The following SEC14L5 variants were observed in gnomAD, a reference collection of about 807,000 sequenced individuals.
The protein encoded by SEC14L5 is SEC14-like protein 5.
Under a neutral mutation model 84.6 loss-of-function variants are expected in SEC14L5, and 96 were observed. The observed-to-expected ratio is 1.13, with a 90% confidence interval of 0.96 to 1.34. SEC14L5 has a LOEUF of 1.34. Among genes scored for constraint, SEC14L5 ranks in the 40% most tolerant of loss-of-function variants. SEC14L5 has a pLI of 0.00. For missense variants in SEC14L5, 1,224 were observed against 942.5 expected (o/e 1.30, Z -3.91); for synonymous variants, 546 against 383.4 (o/e 1.42, Z -4.95).
rs1034634671 is a variant in SEC14L5, at chr16:5,008,407, C to T, written c.1573-14C>T. 3 of 1,594,988 alleles carry T rather than the reference C, an allele frequency of 1.9e-6. No individual in the cohort carries two copies. Among genetic ancestry groups the T allele is most frequent in the Non-Finnish European group, 2.6e-6 (3 of 1,166,582 alleles). On this transcript the variant is annotated splice_polypyrimidine_tract_variant and intron_variant, in intron 13 of 15. Coordinates refer to ENST00000251170, the MANE Select transcript of SEC14L5 (RefSeq NM_014692.2). Reference sequence around the variant, plus strand: ...CTCGGCCGTGACTCTCAGACCTCGCCTGTCTCCACACAGGTGGCCGTGGAG... The same window carrying T: ...CTCGGCCGTGACTCTCAGACCTCGCTTGTCTCCACACAGGTGGCCGTGGAG...
Position 5,000,636 on chromosome 16 carries a change from C to T in SEC14L5, c.971-19C>T, listed in dbSNP as rs1955664410. ...TCTAAATAACGGGCTCTTCTTTCTG[C>T]TTGGCCCCATCCACAAAGATGGCCG... On this transcript the variant is annotated intron_variant, in intron 8 of 15. Coordinates refer to ENST00000251170, the MANE Select transcript of SEC14L5 (RefSeq NM_014692.2). 1 of 1,540,548 alleles carries T rather than the reference C, an allele frequency of 6.5e-7. No individual in the cohort carries two copies.
At position 5,017,654 on chromosome 16, in the gene SEC14L5, GC is replaced by G. The variant is rs1277972037; in HGVS notation, c.*2686del. On this transcript the variant is annotated 3_prime_UTR_variant, in exon 16 of 16. Coordinates refer to ENST00000251170, the MANE Select transcript of SEC14L5 (RefSeq NM_014692.2). ...CCCGTGATTGACATTCCCTGCAGAA[GC>G]CGCAGCAGGATTGGGGAGGGCCATT... The G allele has an allele frequency of 6.6e-6, 1 of 152,222 alleles. No individual in the cohort carries two copies. Among genetic ancestry groups the G allele is most frequent in the African/African-American group, 2.4e-5 (1 of 41,438 alleles). The allele number at this position is 152,222 out of a possible 1,614,324, so 9.4% of individuals were successfully genotyped here. A position where few individuals can be genotyped will look rare whatever the true frequency, so the allele number is the denominator to read the frequency against.
intron 14 of SEC14L5, 85 bp from the exon 15 acceptor site, chr16:5,011,010 G>T (rs548706995): frequency 3.0e-6 from 4 of 1,333,888 alleles, no homozygotes; most frequent in Non-Finnish European, 4.1e-6. Flanking sequence ...TCCAGGCCTG[G>T]TGATGAGAAG....
At chr16:4,972,482 C>G (rs777077160) in intron 2 of SEC14L5, among the ~76,000 whole-genome samples, 2 of 152,218 alleles carry the variant, frequency 1.3e-5, no homozygotes, top group Non-Finnish European at 2.9e-5. Context: ...GAAACACTAA[C>G]TCTCCACTCC....
At chr16:4,960,315 T>G (rs1281013058) in intron 2 of SEC14L5, among the ~76,000 whole-genome samples, 1 of 152,200 alleles carries the variant, frequency 6.6e-6, no homozygotes, top group Non-Finnish European at 1.5e-5. Flanking sequence ...CAAAATATGC[T>G]GTCGCTGTTA....
chr16:4,963,224 A>T (rs1397394244), intron 2 of SEC14L5, among the ~76,000 whole-genome samples: 2 of 152,254 alleles, frequency 1.3e-5, no homozygotes, highest in African/African-American at 2.4e-5. Flanking sequence ...AAACATTTTT[A>T]AAAATTAATA....
At chr16:4,989,930 T>C (rs916125990) in intron 4 of SEC14L5, among the ~76,000 whole-genome samples, 1 of 152,210 alleles carries the variant, frequency 6.6e-6, no homozygotes, top group Non-Finnish European at 1.5e-5. Flanking sequence ...CCACAGACGT[T>C]TGAGGAGGAC....
At chr16:5,007,330 G>T (rs776759553) in intron 12 of SEC14L5, 22 bp from the exon 13 acceptor site, 2 of 1,611,802 alleles carry the variant, frequency 1.2e-6, no homozygotes, top group African/African-American at 1.3e-5. Context: ...CTGACCTGCT[G>T]CCCTTTATCT....
At chr16:4,976,823 G>C (rs1353813475) in intron 2 of SEC14L5, among the ~76,000 whole-genome samples, 2 of 152,314 alleles carry the variant, frequency 1.3e-5, no homozygotes, top group African/African-American at 2.4e-5. Context: ...TTGTGTTCCT[G>C]AGAGCACCAA....
rs56138844 is a variant in SEC14L5 at position 5,010,359 on chromosome 16, G to A, written c.1801-736G>A. Reference sequence around the variant, plus strand: ...AGTCTGAGTGAAAGAGTGAAACTCCGTCTCAGAAAAAAAAAACAAAACTGT... The same window carrying A: ...AGTCTGAGTGAAAGAGTGAAACTCCATCTCAGAAAAAAAAAACAAAACTGT... On this transcript the variant is annotated intron_variant, in intron 14 of 15. Transcript: ENST00000251170. Among the ~76,000 whole-genome samples the A allele has an allele frequency of 4.6e-3, 701 of 151,228 alleles. 12 individuals carry two copies. Among genetic ancestry groups the A allele is most frequent in the African/African-American group, 0.016 (660 of 41,018 alleles).
At chr16:5,010,761 TC>T (rs1955790186) in intron 14 of SEC14L5, 2 of 292,192 alleles carry the variant, frequency 6.8e-6, no homozygotes, top group African/African-American at 2.1e-5. Flanking sequence ...CCTTTCCTAA[TC>T]CCCTTGGTTT....
intron 15 of SEC14L5, among the ~76,000 whole-genome samples, chr16:5,012,209 A>C (rs1055012556): frequency 1.3e-5 from 2 of 152,144 alleles, no homozygotes; most frequent in African/African-American, 4.8e-5. Context: ...TGTTTTGGCC[A>C]TCGGTCCTCA....
intron 2 of SEC14L5, among the ~76,000 whole-genome samples, chr16:4,976,993 C>T (rs1405300907): frequency 1.3e-5 from 2 of 152,164 alleles, no homozygotes; most frequent in Non-Finnish European, 2.9e-5. Context: ...TGTTTGATCC[C>T]GTAGGACCTT....
intron 2 of SEC14L5, among the ~76,000 whole-genome samples, chr16:4,977,446 CAAAAAA>C (rs762657125): frequency 1.5e-5 from 1 of 66,142 alleles, no homozygotes; most frequent in African/African-American, 6.6e-5. Context: ...GACTCCGTCT[CAAAAAA>C]AAAAAAAAAA....
At position 5,011,180 on chromosome 16, in the gene SEC14L5, C is replaced by G; in HGVS notation, c.1886C>G (p.Pro629Arg). 6.2e-7 allele frequency: 1 copy of G among 1,613,608 alleles called. No individual in the cohort carries two copies. Among genetic ancestry groups the G allele is most frequent in the South Asian group, 1.1e-5 (1 of 91,050 alleles). ...CCCAGCAGCGTGGCCTGCAGCCTCC[C>G]GGGTGTGGACGATGTCCTGACGGCT... ...SPPSSVACSLPGVDDVLTALH... is the reference protein window; with the variant it reads ...SPPSSVACSLRGVDDVLTALH... Residue 629 changes from proline to arginine, a missense_variant, in exon 15 of 16, where the codon CCG becomes CGG. Physicochemically the swap from Pro to Arg is moderately radical, Grantham distance 103 (BLOSUM62 -2). Transcript: ENST00000251170.
chr16:5,002,396 A>G (rs951808218), intron 10 of SEC14L5, among the ~76,000 whole-genome samples: 4 of 149,600 alleles, frequency 2.7e-5, no homozygotes, highest in Non-Finnish European at 4.4e-5. Context: ...TCCTGGGTTC[A>G]AGTGATTCTC....
rs764582422 is a variant in SEC14L5, at chr16:4,996,444, A to G, written c.764A>G (p.Glu255Gly). ...CLIQLRHWLQ[E>G]THKGKIPKDE... ...ATCCAGCTTCGGCACTGGTTACAGG[A>G]GACCCACAAAGGCAAGGTGGGTGCA... Residue 255 changes from glutamate (E) to glycine (G), a missense_variant, in exon 7 of 16, where the codon GAG (glutamate) becomes GGG (glycine). Glu to Gly is a moderately conservative substitution (Grantham distance 98, BLOSUM62 -2). Coordinates refer to ENST00000251170, the MANE Select transcript of SEC14L5 (RefSeq NM_014692.2). 1 of 1,567,102 alleles carries G rather than the reference A, an allele frequency of 6.4e-7. No homozygotes were observed. Among genetic ancestry groups the G allele is most frequent in the South Asian group, 1.2e-5 (1 of 84,794 alleles).
intron 2 of SEC14L5, among the ~76,000 whole-genome samples, chr16:4,974,523 G>A (rs1294096376): frequency 1.3e-5 from 2 of 151,750 alleles, no homozygotes; most frequent in African/African-American, 4.8e-5. Flanking sequence ...ACTTAAAAAG[G>A]GTGGGCTATA....
intron 11 of SEC14L5, among the ~76,000 whole-genome samples, chr16:5,004,332 G>T (rs1354147444): frequency 1.3e-5 from 2 of 152,116 alleles, no homozygotes; most frequent in Non-Finnish European, 2.9e-5. Context: ...ATCCTGAATT[G>T]TCCTAATCTC....
Sources: gnomAD v4.1 joint callset for allele counts (sites outside exome capture counted in the v4.1 genomes callset) on GRCh38, gnomAD v4.1.1 for gene constraint, MANE v1.5 for transcripts, NCBI Gene and HGNC (gene_info 2026-07-23, HGNC 2026-07-21) for gene names.